PRUNE2: variants seen among roughly 807,000 people sequenced by gnomAD.
PRUNE2 encodes the protein prune homolog 2 with BCH domain, also known as protein prune homolog 2.
PRUNE2 carries 164 observed loss-of-function variants against 252.0 expected under a neutral mutation model. The observed-to-expected ratio is 0.65, with a 90% confidence interval of 0.57 to 0.74. The LOEUF is 0.74. PRUNE2 is among the 30% of genes least tolerant of loss of function. The pLI, the probability that PRUNE2 is intolerant of heterozygous loss-of-function variation, is 0.00. For synonymous variants in PRUNE2, 1,292 were observed against 1,350.2 expected (o/e 0.96, Z 0.94); for missense variants, 3,495 against 3,711.0 (o/e 0.94, Z 1.51).
intron 6 of PRUNE2, chr9:76,739,107 G>A (rs1459943186): frequency 6.6e-6 from 1 of 152,148 alleles, no homozygotes; most frequent in Non-Finnish European, 1.5e-5. Context: ...ATTACGCATG[G>A]ATTACCTCGT....
chr9:76,701,850 C>A (rs544499266), intron 9 of PRUNE2, among the ~76,000 whole-genome samples: 1 of 152,190 alleles, frequency 6.6e-6, no homozygotes, highest in South Asian at 2.1e-4. Context: ...AATTAAGTTC[C>A]CAGAATTTAA....
chr9:76,786,258 C>T (rs149090698), intron 6 of PRUNE2: 3 of 152,146 alleles, frequency 2.0e-5, no homozygotes, highest in Non-Finnish European at 2.9e-5. Flanking sequence ...ATAATGTTAT[C>T]TTTGAACTGA....
intron 1 of PRUNE2, among the ~76,000 whole-genome samples, chr9:76,871,071 T>C (rs531584506): frequency 5.1e-4 from 77 of 152,336 alleles, no homozygotes; most frequent in African/African-American, 1.8e-3. Context: ...CAGATAAATT[T>C]GGTCCATATA....
intron 1 of PRUNE2, among the ~76,000 whole-genome samples, chr9:76,873,545 G>A (rs554812764): frequency 6.6e-6 from 1 of 152,194 alleles, no homozygotes; most frequent in South Asian, 2.1e-4. Context: ...TCTCCCAAAC[G>A]AGGCGCCAGA....
intron 11 of PRUNE2, among the ~76,000 whole-genome samples, chr9:76,648,286 T>C (rs1176186629): frequency 6.6e-6 from 1 of 152,124 alleles, no homozygotes; most frequent in African/African-American, 2.4e-5. Context: ...AGCATACTCT[T>C]ACCTTACAAT....
At chr9:76,818,233 G>A (rs1045143157) in intron 6 of PRUNE2, among the ~76,000 whole-genome samples, 17 of 152,094 alleles carry the variant, frequency 1.1e-4, no homozygotes, top group Admixed American at 1.1e-3. Flanking sequence ...CAAACTCCAA[G>A]CTCAATGAGA....
At chr9:76,646,589 T>A (rs1197569607) in intron 11 of PRUNE2, among the ~76,000 whole-genome samples, 1 of 151,748 alleles carries the variant, frequency 6.6e-6, no homozygotes, top group Non-Finnish European at 1.5e-5. Flanking sequence ...CTCTTTGGAA[T>A]CCCTTCCTGC....
intron 6 of PRUNE2, among the ~76,000 whole-genome samples, chr9:76,755,609 A>G (rs73460219): frequency 0.13 from 20,486 of 152,112 alleles, 2,210 homozygotes; most frequent in East Asian, 0.41. Flanking sequence ...AAGGGGTCTT[A>G]TTAAAATGCA....
chr9:76,842,451 C>A (rs1411806150), intron 4 of PRUNE2, among the ~76,000 whole-genome samples: 1 of 151,948 alleles, frequency 6.6e-6, no homozygotes, highest in Non-Finnish European at 1.5e-5. Context: ...GACTAAAAAA[C>A]CAAAAGCAAT....
intron 9 of PRUNE2, chr9:76,692,248 C>T (rs1331648717): frequency 7.2e-6 from 5 of 695,392 alleles, no homozygotes; most frequent in Non-Finnish European, 1.3e-5. Context: ...CAGATCTCCC[C>T]ATGCAGCCGC....
intron 1 of PRUNE2, among the ~76,000 whole-genome samples, chr9:76,902,160 T>G (rs907831540): frequency 6.6e-6 from 1 of 152,130 alleles, no homozygotes; most frequent in Non-Finnish European, 1.5e-5. Flanking sequence ...GTACTTCATT[T>G]TTTCCCCCCA....
At chr9:76,730,731 C>A (rs771301006) in intron 6 of PRUNE2, among the ~76,000 whole-genome samples, 1 of 152,196 alleles carries the variant, frequency 6.6e-6, no homozygotes, top group Non-Finnish European at 1.5e-5. Context: ...GAAACCCCAT[C>A]TCTATTAAAA....
chr9:76,666,529 C>G (rs990213405), intron 9 of PRUNE2, among the ~76,000 whole-genome samples: 6 of 152,208 alleles, frequency 3.9e-5, no homozygotes, highest in African/African-American at 1.4e-4. Context: ...GCTGTCCTCT[C>G]TCTCTCCCTC....
At chr9:76,880,959 A>AT (rs1212200598) in intron 1 of PRUNE2, among the ~76,000 whole-genome samples, 10,538 of 137,098 alleles carry the variant, frequency 0.077, 1,316 homozygotes, top group African/African-American at 0.25. Flanking sequence ...ATCCTTGTTA[A>AT]TTTTTTTTTT....
chr9:76,702,062 G>C (rs1427737261), intron 9 of PRUNE2, among the ~76,000 whole-genome samples: 2 of 148,626 alleles, frequency 1.3e-5, no homozygotes, highest in Non-Finnish European at 3.0e-5. Flanking sequence ...ATCTTTTCTC[G>C]CTTTTTTTTT....
chr9:76,838,127 C>A (rs2059158286), intron 4 of PRUNE2, among the ~76,000 whole-genome samples: 4 of 151,308 alleles, frequency 2.6e-5, no homozygotes, highest in Non-Finnish European at 5.9e-5. Flanking sequence ...CTATTCCTTT[C>A]TGTACTAGTT....
At chr9:76,769,895 T>C (rs1258968148) in intron 6 of PRUNE2, among the ~76,000 whole-genome samples, 1 of 152,128 alleles carries the variant, frequency 6.6e-6, no homozygotes, top group Non-Finnish European at 1.5e-5. Context: ...TCAAAAATAC[T>C]TTAAAATAAA....
intron 6 of PRUNE2, among the ~76,000 whole-genome samples, chr9:76,746,924 T>C (rs547679675): frequency 9.9e-5 from 15 of 152,222 alleles, no homozygotes; most frequent in African/African-American, 2.9e-4. Context: ...AATGGGTAAA[T>C]GTAAGTGTTT....
chr9:76,835,091 C>T (rs193292795), intron 4 of PRUNE2, among the ~76,000 whole-genome samples: 2 of 152,284 alleles, frequency 1.3e-5, no homozygotes, highest in African/African-American at 2.4e-5. Context: ...TAGTAACAAA[C>T]ACTTCATTCC....
Sources: gnomAD v4.1 joint callset for allele counts (sites outside exome capture counted in the v4.1 genomes callset) on GRCh38, gnomAD v4.1.1 for gene constraint, MANE v1.5 for transcripts, NCBI Gene and HGNC (gene_info 2026-07-23, HGNC 2026-07-21) for gene names.